MND1: variants seen among roughly 807,000 people sequenced by gnomAD.
MND1 encodes the protein meiotic nuclear divisions 1, also known as meiotic nuclear division protein 1 homolog.
A neutral mutation model predicts 35.1 loss-of-function variants in MND1; 28 were observed. That is an observed-to-expected ratio of 0.80 (90% CI 0.59 to 1.09). The LOEUF is 1.09. Ranked by LOEUF, MND1 falls within the 50% of genes least tolerant of loss-of-function variation. The pLI, the probability that MND1 is intolerant of heterozygous loss-of-function variation, is 0.00. For missense variants in MND1, 213 were observed against 239.6 expected (o/e 0.89, Z 0.73); for synonymous variants, 69 against 70.5 (o/e 0.98, Z 0.11).
intron 2 of MND1, among the ~76,000 whole-genome samples, chr4:153,354,183 G>C (rs13112925): frequency 6.6e-6 from 1 of 151,528 alleles, no homozygotes; most frequent in African/African-American, 2.4e-5. Context: ...TATTCTACAC[G>C]CATATTTTCC....
chr4:153,362,776 T>C (rs893166340), intron 4 of MND1, among the ~76,000 whole-genome samples: 2 of 152,232 alleles, frequency 1.3e-5, no homozygotes, highest in African/African-American at 4.8e-5. Context: ...TGGTGATGTT[T>C]AGTCTGTGGG....
At chr4:153,358,444 A>G in intron 3 of MND1, 30 bp from the exon 4 acceptor site, 1 of 1,546,074 alleles carries the variant, frequency 6.5e-7, no homozygotes. Flanking sequence ...GTGTTTTTCT[A>G]ACATAGAGTC....
At chr4:153,375,778 T>G (rs1384896986) in intron 4 of MND1, among the ~76,000 whole-genome samples, 1 of 152,150 alleles carries the variant, frequency 6.6e-6, no homozygotes, top group Non-Finnish European at 1.5e-5. Flanking sequence ...AAGCAAAAAA[T>G]TTTCCTTCTC....
intron 6 of MND1, among the ~76,000 whole-genome samples, chr4:153,403,866 A>G (rs1198958809): frequency 6.6e-6 from 1 of 152,058 alleles, no homozygotes; most frequent in Non-Finnish European, 1.5e-5. Context: ...CTTGGGCTCA[A>G]GCAATCCTCC....
chr4:153,391,751 T>C (rs28412505), intron 4 of MND1, among the ~76,000 whole-genome samples: 17,466 of 89,320 alleles, frequency 0.2, 1,069 homozygotes, highest in African/African-American at 0.29. Flanking sequence ...CACACACACA[T>C]ACATACATAT....
chr4:153,413,290 G>A (rs1026125594), intron 7 of MND1, among the ~76,000 whole-genome samples: 13 of 152,048 alleles, frequency 8.5e-5, no homozygotes, highest in African/African-American at 2.2e-4. Context: ...AGAATACTCC[G>A]ACAAGCTATA....
At chr4:153,366,542 G>A (rs1773641381) in intron 4 of MND1, among the ~76,000 whole-genome samples, 1 of 152,226 alleles carries the variant, frequency 6.6e-6, no homozygotes, top group Admixed American at 6.5e-5. Context: ...GTAGTTCAGA[G>A]ACAAGTCTTT....
intron 6 of MND1, among the ~76,000 whole-genome samples, chr4:153,406,337 C>T (rs993980691): frequency 1.3e-5 from 2 of 152,100 alleles, no homozygotes; most frequent in African/African-American, 4.8e-5. Context: ...GCCTGGCCAA[C>T]ATGGTGAAAC....
chr4:153,400,903 G>A (rs1257258214), intron 6 of MND1, among the ~76,000 whole-genome samples: 2 of 152,112 alleles, frequency 1.3e-5, no homozygotes, highest in Non-Finnish European at 2.9e-5. Context: ...TATTCCATAT[G>A]TTCAAAAAGT....
In MND1 at chr4:153,344,755, T is replaced by C; in HGVS notation, c.3+15T>C. 6.2e-7 allele frequency: 1 copy of C among 1,601,206 alleles called. No homozygotes were observed. Among genetic ancestry groups the C allele is most frequent in the East Asian group, 2.3e-5 (1 of 43,800 alleles). Reference sequence around the variant, plus strand: ...CCCGCGCCATGGTAAGGACTGAGGCTACGGTCCCGCGTCTTCTTCCTCCCT... The same window carrying C: ...CCCGCGCCATGGTAAGGACTGAGGCCACGGTCCCGCGTCTTCTTCCTCCCT... On this transcript the variant is annotated intron_variant, in intron 1 of 7. Coordinates refer to ENST00000240488, the MANE Select transcript of MND1 (RefSeq NM_032117.4).
At chr4:153,379,625 G>A (rs1728612126) in intron 4 of MND1, among the ~76,000 whole-genome samples, 1 of 151,960 alleles carries the variant, frequency 6.6e-6, no homozygotes. Context: ...GCTGAGATGG[G>A]TGGATCACGA....
intron 6 of MND1, among the ~76,000 whole-genome samples, chr4:153,408,449 C>T (rs1056740118): frequency 5.9e-5 from 9 of 151,918 alleles, no homozygotes; most frequent in Non-Finnish European, 1.2e-4. Context: ...AATATACATA[C>T]AGATACATTT....
chr4:153,362,772 T>A (rs991267909), intron 4 of MND1, among the ~76,000 whole-genome samples: 3 of 152,214 alleles, frequency 2.0e-5, no homozygotes, highest in Non-Finnish European at 2.9e-5. Context: ...CAATTGGTGA[T>A]GTTTAGTCTG....
chr4:153,408,216 G>C (rs1160516626), intron 6 of MND1, among the ~76,000 whole-genome samples: 1 of 152,212 alleles, frequency 6.6e-6, no homozygotes, highest in Non-Finnish European at 1.5e-5. Context: ...GCTGCAGTGA[G>C]CTATGATCAC....
chr4:153,366,937 A>G (rs919098323), intron 4 of MND1, among the ~76,000 whole-genome samples: 1 of 152,152 alleles, frequency 6.6e-6, no homozygotes. Context: ...ATTCCGTCTC[A>G]GGTATTTTGA....
intron 7 of MND1, 133 bp downstream of exon 7, chr4:153,409,148 G>T: frequency 3.1e-6 from 1 of 324,196 alleles, no homozygotes; most frequent in Non-Finnish European, 5.7e-6. Context: ...TTACTCAAAT[G>T]TTTACATATT....
chr4:153,355,495 T>A (rs1378952338), intron 2 of MND1, among the ~76,000 whole-genome samples, 159 bp from the exon 3 acceptor site: 1 of 152,148 alleles, frequency 6.6e-6, no homozygotes, highest in Non-Finnish European at 1.5e-5. Flanking sequence ...ATTACCACAA[T>A]TTCATCATAA....
At chr4:153,409,086 A>T (rs1729607976) in intron 7 of MND1, 71 bp downstream of exon 7, 1 of 888,014 alleles carries the variant, frequency 1.1e-6, no homozygotes, top group Admixed American at 3.1e-5. Context: ...TGAAATTCAG[A>T]TACCTTGTGC....
chr4:153,410,981 A>G (rs1480119861), intron 7 of MND1, among the ~76,000 whole-genome samples: 1 of 152,198 alleles, frequency 6.6e-6, no homozygotes, highest in Admixed American at 6.5e-5. Flanking sequence ...AGAGTGAGAC[A>G]CTGTCTCAAG....
Sources: gnomAD v4.1 joint callset for allele counts (sites outside exome capture counted in the v4.1 genomes callset) on GRCh38, gnomAD v4.1.1 for gene constraint, MANE v1.5 for transcripts, NCBI Gene and HGNC (gene_info 2026-07-23, HGNC 2026-07-21) for gene names.